TAF3: variants seen among roughly 807,000 people sequenced by gnomAD.
TAF3 encodes the protein TATA-box binding protein associated factor 3.
In TAF3, 7 loss-of-function variants were observed where a neutral mutation model predicts 80.6. That is an observed-to-expected ratio of 0.09 (90% CI 0.05 to 0.16). The LOEUF (loss-of-function observed/expected upper bound fraction) is 0.16. Among genes scored for constraint, TAF3 ranks in the 10% least tolerant of loss-of-function variants. TAF3 has a pLI of 1.00. For missense variants in TAF3, 921 were observed against 1,140.2 expected, an observed-to-expected ratio of 0.81 and a Z score of 2.77; for synonymous variants, 444 against 446.1, an observed-to-expected ratio of 1.00 and a Z score of 0.06.
At chr10:8,002,067 T>A (rs1347753422) in intron 4 of TAF3, among the ~76,000 whole-genome samples, 4 of 152,220 alleles carry the variant, frequency 2.6e-5, no homozygotes, top group Non-Finnish European at 5.9e-5. Context: ...CTCTTGTTGA[T>A]AACTTACATT....
chr10:7,957,932 A>G (rs770349127), intron 2 of TAF3, among the ~76,000 whole-genome samples: 4 of 152,022 alleles, frequency 2.6e-5, no homozygotes, highest in Non-Finnish European at 5.9e-5. Flanking sequence ...TAACATATCA[A>G]GATTAGATAT....
At chr10:7,866,100 G>T (rs1188797392) in intron 2 of TAF3, among the ~76,000 whole-genome samples, 1 of 152,182 alleles carries the variant, frequency 6.6e-6, no homozygotes, top group Non-Finnish European at 1.5e-5. Context: ...GTTTTTTCTG[G>T]ATCGTAAAGT....
At chr10:7,905,446 A>G (rs909128168) in intron 2 of TAF3, among the ~76,000 whole-genome samples, 16 of 152,156 alleles carry the variant, frequency 1.1e-4, no homozygotes, top group Non-Finnish European at 1.9e-4. Context: ...AATTATTGCT[A>G]TTCAACTTCA....
intron 3 of TAF3, among the ~76,000 whole-genome samples, chr10:7,969,160 A>G (rs1022795754): frequency 1.4e-4 from 22 of 151,994 alleles, no homozygotes; most frequent in Admixed American, 1.3e-3. Flanking sequence ...ACAAACAAAC[A>G]AACAAACAAA....
intron 2 of TAF3, among the ~76,000 whole-genome samples, chr10:7,912,092 A>G (rs1047299477): frequency 6.6e-6 from 1 of 152,226 alleles, no homozygotes; most frequent in African/African-American, 2.4e-5. Flanking sequence ...TATGTAGAAT[A>G]GGAAACATAT....
chr10:8,004,164 C>T (rs1564381685), intron 4 of TAF3, among the ~76,000 whole-genome samples: 1 of 151,970 alleles, frequency 6.6e-6, no homozygotes, highest in Non-Finnish European at 1.5e-5. Flanking sequence ...GATTCTCCTG[C>T]CTCCTCCTCT....
chr10:7,960,339 A>T (rs886135577), intron 2 of TAF3, among the ~76,000 whole-genome samples: 5 of 152,172 alleles, frequency 3.3e-5, no homozygotes, highest in African/African-American at 1.2e-4. Context: ...AGATGAGCTG[A>T]ATGTGGTAGG....
intron 2 of TAF3, among the ~76,000 whole-genome samples, chr10:7,877,695 A>G (rs544847683): frequency 2.6e-5 from 4 of 152,290 alleles, no homozygotes; most frequent in South Asian, 4.1e-4. Flanking sequence ...CAACCCTACT[A>G]TTTAAAAAAT....
chr10:8,001,134 C>G (rs970790782), intron 4 of TAF3, among the ~76,000 whole-genome samples: 1 of 152,036 alleles, frequency 6.6e-6, no homozygotes, highest in Non-Finnish European at 1.5e-5. Flanking sequence ...ATTCTTTACC[C>G]CAGACCTTTA....
intron 2 of TAF3, among the ~76,000 whole-genome samples, chr10:7,938,956 C>T (rs1837950718): frequency 6.6e-6 from 1 of 152,030 alleles, no homozygotes; most frequent in African/African-American, 2.4e-5. Flanking sequence ...ATGTATAAAG[C>T]CGTAAGGATA....
chr10:7,927,996 G>A (rs1255325679), intron 2 of TAF3, among the ~76,000 whole-genome samples: 2 of 151,908 alleles, frequency 1.3e-5, no homozygotes, highest in African/African-American at 4.8e-5. Context: ...AGTTCTGGAT[G>A]TTTGATGAAG....
At chr10:7,898,260 T>C (rs1837525016) in intron 2 of TAF3, among the ~76,000 whole-genome samples, 1 of 152,000 alleles carries the variant, frequency 6.6e-6, no homozygotes, top group South Asian at 2.1e-4. Flanking sequence ...AGAATCTAAC[T>C]CTTAGGCCGG....
chr10:7,934,593 C>A lies in TAF3; in HGVS notation c.410-29327C>A, dbSNP rs533767200. On this transcript the variant is annotated intron_variant, in intron 2 of 6. Coordinates refer to ENST00000344293, the MANE Select transcript of TAF3 (RefSeq NM_031923.4). ...CCAAGTAGCTGGGATTACAAGCACC[C>A]GCCACCACGCCTGGCTAATTTTTGT... Among the ~76,000 whole-genome samples the A allele has an allele frequency of 3.3e-5, 5 of 152,038 alleles. No individual in the cohort carries two copies. In the East Asian group the frequency reaches 9.7e-4, roughly 29 times the overall value.
chr10:7,951,095 A>G (rs1189369783), intron 2 of TAF3, among the ~76,000 whole-genome samples: 1 of 152,252 alleles, frequency 6.6e-6, no homozygotes, highest in Non-Finnish European at 1.5e-5. Flanking sequence ...TGTTGTGACC[A>G]GAGACTTATA....
At chr10:8,014,121 C>T (rs993871369) in intron 6 of TAF3, among the ~76,000 whole-genome samples, 1 of 152,200 alleles carries the variant, frequency 6.6e-6, no homozygotes, top group South Asian at 2.1e-4. Flanking sequence ...GCTTCCCTGG[C>T]CTTCCTTTCC....
intron 2 of TAF3, among the ~76,000 whole-genome samples, chr10:7,893,331 T>C (rs1162395500): frequency 6.6e-6 from 1 of 152,352 alleles, no homozygotes; most frequent in East Asian, 1.9e-4. Flanking sequence ...AGAGAAACTT[T>C]TTTTTAAATC....
At chr10:7,974,326 G>A (rs1312654274) in intron 3 of TAF3, among the ~76,000 whole-genome samples, 1 of 152,194 alleles carries the variant, frequency 6.6e-6, no homozygotes, top group Non-Finnish European at 1.5e-5. Context: ...TGGCTAGGGG[G>A]AAGGGGCGGT....
At chr10:7,945,364 T>A (rs1687364923) in intron 2 of TAF3, among the ~76,000 whole-genome samples, 1 of 152,226 alleles carries the variant, frequency 6.6e-6, no homozygotes, top group African/African-American at 2.4e-5. Flanking sequence ...TGGCATTTTT[T>A]CCCATTAGTG....
Position 7,942,619 on chromosome 10 carries a change from C to G in TAF3, c.410-21301C>G, listed in dbSNP as rs1254107867. 2.0e-5 allele frequency among the ~76,000 whole-genome samples: 3 copies of G among 152,112 alleles called. No individual in the cohort carries two copies. In the East Asian group the frequency reaches 5.8e-4, roughly 29 times the overall value. Reference sequence around the variant, plus strand: ...CTAGGACATTGCTGACTGAGAAAATCCTGGGCTAGGTCCATCTCCAGCTCT... The same window carrying G: ...CTAGGACATTGCTGACTGAGAAAATGCTGGGCTAGGTCCATCTCCAGCTCT... On this transcript the variant is annotated intron_variant, in intron 2 of 6. Transcript: ENST00000344293.
Sources: allele counts gnomAD v4.1 joint callset (sites outside exome capture counted in the v4.1 genomes callset), GRCh38; gene constraint gnomAD v4.1.1; transcripts MANE v1.5; gene names NCBI Gene and HGNC (gene_info 2026-07-23, HGNC 2026-07-21).